OPRM1: variants seen among roughly 807,000 people sequenced by gnomAD.
OPRM1 encodes mu-type opioid receptor.
OPRM1 carries 27 observed loss-of-function variants against 31.8 expected under a neutral mutation model. The observed-to-expected ratio is 0.85, with a 90% CI of 0.63 to 1.17. The LOEUF is 1.17. Among genes scored for constraint, OPRM1 ranks in the 50% most tolerant of loss-of-function variants. The pLI, the probability that OPRM1 is intolerant of heterozygous loss-of-function variation, is 0.00. For missense variants in OPRM1, 536 were observed against 511.1 expected (o/e 1.05, Z -0.47); for synonymous variants, 196 against 189.9 (o/e 1.03, Z -0.26).
rs551577277 is a variant in OPRM1 at position 154,142,588 on chromosome 6, T to A, written c.1164+51116T>A. Among the ~76,000 whole-genome samples, 3 of 152,216 alleles carry A rather than the reference T, an allele frequency of 2.0e-5. No homozygotes were observed. The East Asian group carries it at 5.8e-4, about 29-fold the overall frequency. ...TCCAGTAGTCGACCAGAATATAAAA[T>A]CCTAGATCCAAGGTCAAACGGGGCA... is the stretch of plus-strand genomic sequence containing the variant. On this transcript the variant is annotated intron_variant, in intron 3 of 3. Coordinates refer to the OPRM1 transcript ENST00000337049.
intron 1 of OPRM1, chr6:154,087,260 G>A (rs567979626): frequency 2.0e-6 from 2 of 985,412 alleles, no homozygotes; most frequent in Admixed American, 1.2e-4. Context: ...TGACCCTGAG[G>A]AGATTTATGA....
intron 1 of OPRM1, among the ~76,000 whole-genome samples, chr6:154,085,746 C>T (rs1482293980): frequency 6.6e-6 from 1 of 152,174 alleles, no homozygotes; most frequent in Non-Finnish European, 1.5e-5. Context: ...GATAATTCTT[C>T]CTGCAGGTCA....
chr6:154,075,185 A>C (rs1317928015), intron 1 of OPRM1, among the ~76,000 whole-genome samples: 1 of 152,246 alleles, frequency 6.6e-6, no homozygotes, highest in Admixed American at 6.5e-5. Flanking sequence ...TAACATTTTC[A>C]AAGTGAACAA....
chr6:154,075,774 T>C (rs1207032418), intron 1 of OPRM1, among the ~76,000 whole-genome samples: 3 of 152,194 alleles, frequency 2.0e-5, no homozygotes, highest in African/African-American at 4.8e-5. Flanking sequence ...ACCCCACCTC[T>C]GAGAGACTTC....
chr6:154,227,958 C>G (rs1779393941), intron 3 of OPRM1, among the ~76,000 whole-genome samples: 1 of 144,952 alleles, frequency 6.9e-6, no homozygotes, highest in African/African-American at 2.6e-5. Context: ...TAATTTGTGT[C>G]AAAAAATGGT....
At chr6:154,093,221 T>C (rs749844064) in intron 3 of OPRM1, 14 of 1,518,246 alleles carry the variant, frequency 9.2e-6, no homozygotes, top group South Asian at 1.3e-5. Flanking sequence ...AATATTTCCA[T>C]TGGAGCAAAA....
chr6:154,105,185 A>T (rs1485493626), intron 3 of OPRM1, among the ~76,000 whole-genome samples: 4 of 152,244 alleles, frequency 2.6e-5, no homozygotes, highest in African/African-American at 9.6e-5. Context: ...AAGAATACTC[A>T]CAACTAGTTT....
chr6:154,116,227 C>A (rs1796857199), intron 3 of OPRM1, among the ~76,000 whole-genome samples: 1 of 152,180 alleles, frequency 6.6e-6, no homozygotes, highest in Admixed American at 6.5e-5. Context: ...AAGTCTAGGG[C>A]AGCTTCAGCC....
intron 3 of OPRM1, among the ~76,000 whole-genome samples, chr6:154,138,613 T>C (rs573812541): frequency 6.6e-6 from 1 of 152,348 alleles, no homozygotes; most frequent in East Asian, 1.9e-4. Context: ...CCAACTTAAA[T>C]GACCCCATCT....
At chr6:154,055,938 C>G (rs989824666) in intron 1 of OPRM1, among the ~76,000 whole-genome samples, 1 of 152,162 alleles carries the variant, frequency 6.6e-6, no homozygotes, top group Non-Finnish European at 1.5e-5. Context: ...CCCAGCAGCA[C>G]TGTTCATTTG....
chr6:154,018,934 T>C (rs957830054), intron 1 of OPRM1, among the ~76,000 whole-genome samples: 30 of 152,026 alleles, frequency 2.0e-4, no homozygotes, highest in African/African-American at 7.3e-4. Context: ...ATATCACAAA[T>C]TTCTTAACAA....
chr6:154,033,770 A>C (rs1332791104), intron 1 of OPRM1, among the ~76,000 whole-genome samples: 2 of 152,234 alleles, frequency 1.3e-5, no homozygotes, highest in Non-Finnish European at 2.9e-5. Context: ...GTGCTTCTGA[A>C]AGTGTGGTCT....
chr6:154,084,642 TA>T (rs895605692), intron 1 of OPRM1, among the ~76,000 whole-genome samples: 9 of 152,156 alleles, frequency 5.9e-5, no homozygotes, highest in Non-Finnish European at 8.8e-5. Flanking sequence ...TTTTCTCGAC[TA>T]AAAAGGTTAA....
chr6:154,178,812 C>T (rs1270797690), intron 3 of OPRM1, among the ~76,000 whole-genome samples: 1 of 152,188 alleles, frequency 6.6e-6, no homozygotes, highest in East Asian at 1.9e-4. Context: ...ACTCAGCTTC[C>T]TGCCTCTCAG....
At chr6:154,059,321 T>C (rs543515666) in intron 1 of OPRM1, among the ~76,000 whole-genome samples, 10 of 152,206 alleles carry the variant, frequency 6.6e-5, no homozygotes, top group Non-Finnish European at 1.3e-4. Flanking sequence ...ATAGAACCCA[T>C]CAATTATTAG....
chr6:154,062,720 G>T (rs891578473), intron 1 of OPRM1, among the ~76,000 whole-genome samples: 4 of 151,974 alleles, frequency 2.6e-5, no homozygotes, highest in Non-Finnish European at 5.9e-5. Context: ...GGAACTAATT[G>T]CATTACCTTT....
chr6:154,152,347 G>GAAAGAAAGAAAGAAAAGAAAGAAAGAAA, intron 3 of OPRM1, among the ~76,000 whole-genome samples: 6 of 65,202 alleles, frequency 9.2e-5, no homozygotes, highest in South Asian at 1.3e-3. Context: ...AAGAAAGAAA[G>GAAAGAAAGAAAGAAAAGAAAGAAAGAAA]GAAAGAAAGA....
chr6:154,207,240 G>T (rs941936206), intron 3 of OPRM1, among the ~76,000 whole-genome samples: 2 of 152,348 alleles, frequency 1.3e-5, no homozygotes, highest in Admixed American at 1.3e-4. Context: ...AAGATGAGCT[G>T]TTAAAGCCAG....
chr6:154,199,999 T>A, intron 3 of OPRM1: 1 of 1,614,148 alleles, frequency 6.2e-7, no homozygotes, highest in Non-Finnish European at 8.5e-7. Flanking sequence ...AATACGACGT[T>A]CCACTCAGGC....
Sources: gnomAD v4.1 joint callset for allele counts (sites outside exome capture counted in the v4.1 genomes callset) on GRCh38, gnomAD v4.1.1 for gene constraint, MANE v1.5 for transcripts, NCBI Gene and HGNC (gene_info 2026-07-23, HGNC 2026-07-21) for gene names.